Variants in AFF3 observed in about 807,000 individuals in gnomAD.
AFF3 encodes the protein ALF transcription elongation factor 3, also known as AF4/FMR2 family member 3.
AFF3 carries 32 observed loss-of-function variants against 129.7 expected under a neutral mutation model. The observed-to-expected ratio is 0.25, with a 90% CI of 0.19 to 0.33. The LOEUF is 0.33. Among genes scored for constraint, AFF3 ranks in the 10% least tolerant of loss-of-function variants. The pLI is 1.00. For synonymous variants in AFF3, 644 were observed against 635.4 expected, an observed-to-expected ratio of 1.01 and a Z score of -0.20; for missense variants, 1,373 against 1,592.0, an observed-to-expected ratio of 0.86 and a Z score of 2.34.
intron 7 of AFF3, among the ~76,000 whole-genome samples, chr2:99,905,876 C>T (rs111718453): frequency 2.6e-5 from 4 of 152,170 alleles, no homozygotes; most frequent in African/African-American, 7.2e-5. Flanking sequence ...TCATGTATCA[C>T]GCCCTCCACT....
chr2:99,997,362 C>T (rs1279988295), intron 7 of AFF3, among the ~76,000 whole-genome samples: 1 of 152,110 alleles, frequency 6.6e-6, no homozygotes, highest in Non-Finnish European at 1.5e-5. Context: ...TATCTGTCCT[C>T]AGTTCCTCTG....
chr2:99,874,985 A>T (rs1448458391), intron 7 of AFF3, among the ~76,000 whole-genome samples: 1 of 152,208 alleles, frequency 6.6e-6, no homozygotes, highest in African/African-American at 2.4e-5. Context: ...CGTACATAGG[A>T]ATTATTTGTA....
intron 17 of AFF3, among the ~76,000 whole-genome samples, chr2:99,582,534 G>C (rs1175566778): frequency 2.0e-5 from 3 of 152,210 alleles, no homozygotes; most frequent in Non-Finnish European, 2.9e-5. Flanking sequence ...GTATTACTTT[G>C]AGGTCTTTTC....
Position 100,006,630 on chromosome 2 carries a change from AC to A in AFF3, c.873+1del. 6.2e-7 allele frequency: 1 copy of A among 1,602,960 alleles called. No individual in the cohort carries two copies. Among genetic ancestry groups the A allele is most frequent in the Non-Finnish European group, 8.5e-7 (1 of 1,171,756 alleles). On this transcript the variant is annotated splice_donor_variant, in intron 7 of 24. Transcript: ENST00000672756. LOFTEE classifies it high-confidence loss of function. ...ATGTGAACGGTGCTGATAAAGACTC[AC>A]CTCCCCCTGCTTGGGGATGCTGAAC...
At chr2:100,122,997 G>A (rs529749814) in intron 2 of AFF3, among the ~76,000 whole-genome samples, 1 of 152,230 alleles carries the variant, frequency 6.6e-6, no homozygotes, top group South Asian at 2.1e-4. Context: ...GCTTATTTTT[G>A]AATTTTTATG....
intron 12 of AFF3, among the ~76,000 whole-genome samples, chr2:99,653,567 C>T (rs898419495): frequency 7.2e-5 from 11 of 152,330 alleles, no homozygotes; most frequent in Non-Finnish European, 1.2e-4. Context: ...GCTGTCTGGC[C>T]GCCAATGGAG....
intron 11 of AFF3, among the ~76,000 whole-genome samples, chr2:99,712,281 G>C (rs970991348): frequency 1.3e-5 from 2 of 152,212 alleles, no homozygotes; most frequent in Non-Finnish European, 2.9e-5. Flanking sequence ...GTCGCCTCTT[G>C]GCAGCGTGCA....
intron 17 of AFF3, among the ~76,000 whole-genome samples, chr2:99,581,148 G>A (rs888361367): frequency 6.6e-6 from 1 of 152,240 alleles, no homozygotes; most frequent in Non-Finnish European, 1.5e-5. Flanking sequence ...TGCCCAGCAC[G>A]TAATAAGTAC....
intron 7 of AFF3, among the ~76,000 whole-genome samples, chr2:99,838,280 C>T (rs1312252876): frequency 6.6e-6 from 1 of 152,102 alleles, no homozygotes; most frequent in Non-Finnish European, 1.5e-5. Flanking sequence ...AAAGTGCCTA[C>T]CTGTGGTCTC....
At chr2:100,024,731 A>G (rs1683900373) in intron 4 of AFF3, among the ~76,000 whole-genome samples, 1 of 152,170 alleles carries the variant, frequency 6.6e-6, no homozygotes, top group African/African-American at 2.4e-5. Flanking sequence ...GACTGTAGAC[A>G]TTGCACTGGA....
At chr2:100,137,125 T>A (rs1692670452) in intron 1 of AFF3, among the ~76,000 whole-genome samples, 1 of 152,232 alleles carries the variant, frequency 6.6e-6, no homozygotes, top group African/African-American at 2.4e-5. Flanking sequence ...TTTCACCGCG[T>A]GGGATCCCAC....
intron 18 of AFF3, among the ~76,000 whole-genome samples, chr2:99,573,709 T>C (rs919823451): frequency 2.6e-5 from 4 of 152,226 alleles, no homozygotes; most frequent in Admixed American, 2.6e-4. Context: ...CTTCAGCGCC[T>C]GGCGTCTATA....
chr2:99,706,695 T>G (rs1677427858), intron 11 of AFF3, among the ~76,000 whole-genome samples: 1 of 152,240 alleles, frequency 6.6e-6, no homozygotes, highest in African/African-American at 2.4e-5. Flanking sequence ...AGACCCATAA[T>G]TAATTTGGTG....
At position 99,791,526 on chromosome 2, in the gene AFF3, C is replaced by T. The variant is rs191598898; in HGVS notation, c.922-39225G>A. 2.5e-4 allele frequency among the ~76,000 whole-genome samples: 38 copies of T among 152,324 alleles called. 1 individual carries two copies. The highest frequency in any genetic ancestry group is 1.7e-3 in the South Asian group (8 of 4,830). On this transcript the variant is annotated intron_variant, in intron 8 of 24. Coordinates refer to ENST00000672756, the MANE Select transcript of AFF3 (RefSeq NM_001386135.1). The stretch of plus-strand genomic sequence containing the variant: ...CGTTTTTGATCTGCGGTTCATTTAA[C>T]CTGTGAATGTGGAACCCACAAATAC...
At chr2:99,897,832 T>G (rs958975804) in intron 7 of AFF3, among the ~76,000 whole-genome samples, 9 of 152,194 alleles carry the variant, frequency 5.9e-5, no homozygotes, top group African/African-American at 2.2e-4. Flanking sequence ...AAACACTGAA[T>G]TGAAATACGT....
intron 7 of AFF3, among the ~76,000 whole-genome samples, chr2:99,935,808 T>C (rs970361800): frequency 6.6e-6 from 1 of 152,332 alleles, no homozygotes; most frequent in Non-Finnish European, 1.5e-5. Context: ...CCCTCACAAT[T>C]TGAATACACT....
At chr2:99,972,733 C>T (rs1191017858) in intron 7 of AFF3, among the ~76,000 whole-genome samples, 1 of 152,122 alleles carries the variant, frequency 6.6e-6, no homozygotes, top group Non-Finnish European at 1.5e-5. Flanking sequence ...ATCTGTAAGT[C>T]TACAAAGAAT....
chr2:99,737,505 C>T (rs575092508), intron 10 of AFF3, among the ~76,000 whole-genome samples: 1 of 152,154 alleles, frequency 6.6e-6, no homozygotes, highest in Non-Finnish European at 1.5e-5. Context: ...CTCAGTGATG[C>T]TTCAGCTTCT....
At chr2:99,704,514 C>T (rs1372369751) in intron 11 of AFF3, among the ~76,000 whole-genome samples, 1 of 152,128 alleles carries the variant, frequency 6.6e-6, no homozygotes, top group Non-Finnish European at 1.5e-5. Context: ...CTTGCCCACT[C>T]TTGGTCTTGG....
Sources: allele counts gnomAD v4.1 joint callset (sites outside exome capture counted in the v4.1 genomes callset), GRCh38; gene constraint gnomAD v4.1.1; transcripts MANE v1.5; gene names NCBI Gene and HGNC (gene_info 2026-07-23, HGNC 2026-07-21).